The following MYH6 variants were observed in gnomAD, a reference collection of about 807,000 sequenced individuals.
MYH6 encodes the protein myosin heavy chain 6, also known as myosin-6.
MYH6 carries 126 observed loss-of-function variants against 223.2 expected under a neutral mutation model. That is an observed-to-expected ratio of 0.56 (90% confidence interval 0.49 to 0.65). MYH6 has a LOEUF of 0.65. Among genes scored for constraint, MYH6 ranks in the 30% least tolerant of loss-of-function variants. The pLI is 0.00. For missense variants in MYH6, 2,040 were observed against 2,536.4 expected, an observed-to-expected ratio of 0.80 and a Z score of 4.20; for synonymous variants, 978 against 1,010.2, an observed-to-expected ratio of 0.97 and a Z score of 0.61.
Position 23,384,578 on chromosome 14 carries a change from C to T in MYH6, c.5429G>A (p.Gly1810Asp). 1 of 1,613,764 alleles carries T rather than the reference C, an allele frequency of 6.2e-7. No homozygotes were observed. Among genetic ancestry groups the T allele is most frequent in the East Asian group, 2.2e-5 (1 of 44,890 alleles). ...DEAEQIALKGGKKQLQKLEAR... is the reference protein window; with the variant it reads ...DEAEQIALKGDKKQLQKLEAR... ...TTCCAGCTTCTGCAGCTGCTTCTTG[C>T]CTCCCTTGAGGGCGATCTGCTCGGC... is the stretch of plus-strand genomic sequence containing the variant. Residue 1810 changes from glycine to aspartate, a missense_variant, in exon 36 of 39, where the codon GGC becomes GAC. Transcript: ENST00000405093.
intron 16 of MYH6, 53 bp downstream of exon 16, chr14:23,397,490 C>T: frequency 6.3e-7 from 1 of 1,587,370 alleles, no homozygotes; most frequent in South Asian, 1.1e-5. Flanking sequence ...AGCCAGAAGT[C>T]TCTGGGCTGG....
chr14:23,394,110 G>A lies in MYH6; in HGVS notation c.2643C>T (p.Ser881=), dbSNP rs146332977. Reference sequence around the variant, plus strand: ...GCAGGTCATTCTTCTCCTGCAGCAGGGACACCATCTTCTCCTCCAGCTCCT... The same window carrying A: ...GCAGGTCATTCTTCTCCTGCAGCAGAGACACCATCTTCTCCTCCAGCTCCT... ...RRKELEEKMV[S]LLQEKNDLQL... The change falls in exon 21 of 39, where the codon TCC becomes TCT. Residue 881 remains serine (S), a synonymous_variant. Transcript: ENST00000405093. 6 of 1,614,004 alleles carry A rather than the reference G, an allele frequency of 3.7e-6. No individual in the cohort carries two copies. In the African/African-American group the frequency reaches 8.0e-5, roughly 22 times the overall value.
chr14:23,385,092 T>C (rs1315776642), intron 34 of MYH6, 51 bp from the exon 35 acceptor site: 1 of 1,610,752 alleles, frequency 6.2e-7, no homozygotes, highest in Non-Finnish European at 8.5e-7. Flanking sequence ...CTTTGTTACC[T>C]GATTTCATAC....
In MYH6 at chr14:23,383,255, G is replaced by C. The variant is rs758492074; in HGVS notation, c.5631C>G (p.Val1877=). The change falls in exon 37 of 39, where the codon GTC becomes GTG. Residue 1877 remains valine (V), a synonymous_variant. Transcript: ENST00000405093. ...CCTCGGCCTGGCGCTTGTAGGCCTT[G>C]ACCTTCAGTTGCAGCTTGTCCACCA... The part of the protein sequence containing the change: ...QDLVDKLQLK[V]KAYKRQAEEA... 6.6e-7 allele frequency: 1 copy of C among 1,513,686 alleles called. No individual in the cohort carries two copies. The highest frequency in any genetic ancestry group is 1.9e-5 in the Admixed American group (1 of 52,422). The allele number at this position is 1,513,686 out of a possible 1,614,324, so 93.8% of individuals were successfully genotyped here.
rs549746895 is a variant in MYH6, at chr14:23,384,502, G to A, written c.5505C>T (p.Asn1835=). Reference sequence around the variant, plus strand: ...TCCTCATGCCCTTCACCGACTCTGCGTTGCGCTTCTGCTCGGCCTCCAGCT... The same window carrying A: ...TCCTCATGCCCTTCACCGACTCTGCATTGCGCTTCTGCTCGGCCTCCAGCT... ...EGELEAEQKR[N]AESVKGMRKS... is the part of the protein sequence containing the mutation. The change falls in exon 36 of 39, where the codon AAC becomes AAT. Residue 1835 remains asparagine, a synonymous_variant. Coordinates refer to ENST00000405093, the MANE Select transcript of MYH6 (RefSeq NM_002471.4). 8.1e-6 allele frequency: 13 copies of A among 1,613,168 alleles called. No individual in the cohort carries two copies. Among genetic ancestry groups the A allele is most frequent in the African/African-American group, 8.0e-5 (6 of 75,044 alleles).
rs778287981 is a variant in MYH6 at position 23,386,100 on chromosome 14, C to T, written c.4991G>A (p.Arg1664His). The change falls in exon 34 of 39, where the codon CGT becomes CAT. Residue 1664 changes from arginine to histidine, a missense_variant. Arg to His is a conservative substitution (Grantham distance 29, BLOSUM62 0). This residue lies in a region of MYH6 where 1,203 missense variants were observed against 1,400.2 expected (regional missense o/e 0.86). Transcript: ENST00000405093. ...GTTCTCCTTCAGGTCGTCGTTGGCACGGACCGCATCGTCCAGCTGGATCTG... is the reference window on the plus strand; with the variant it reads ...GTTCTCCTTCAGGTCGTCGTTGGCATGGACCGCATCGTCCAGCTGGATCTG... ...DTQIQLDDAVRANDDLKENIA... is the reference protein window; with the variant it reads ...DTQIQLDDAVHANDDLKENIA... The T allele has an allele frequency of 2.9e-5, 47 of 1,614,098 alleles. No individual in the cohort carries two copies. The highest frequency in any genetic ancestry group is 1.2e-4 in the Admixed American group (7 of 60,012).
chr14:23,382,977 C>T (rs759616107), intron 37 of MYH6, among the ~76,000 whole-genome samples: 22 of 152,178 alleles, frequency 1.4e-4, no homozygotes, highest in Non-Finnish European at 2.8e-4. Flanking sequence ...GGCTGCCCCA[C>T]GTCCTGCACT....
At position 23,403,394 on chromosome 14, in the gene MYH6, G is replaced by A. The variant is rs1168415754; in HGVS notation, c.852C>T (p.Tyr284=). ...TGGACAGAATCTGGTAGAAGATGTG[G>A]TAGTTTCTCTCAGCTTTCAGCTGGA... is the stretch of plus-strand genomic sequence containing the variant. ...VIFQLKAERN[Y]HIFYQILSNK... is the part of the protein sequence containing the mutation. The change falls in exon 10 of 39, where the codon TAC becomes TAT. Residue 284 remains tyrosine, a synonymous_variant. Transcript: ENST00000405093. 5 of 1,614,000 alleles carry A rather than the reference G, an allele frequency of 3.1e-6. No individual in the cohort carries two copies. Among genetic ancestry groups the A allele is most frequent in the South Asian group, 1.1e-5 (1 of 91,092 alleles).
rs746593504 is a variant in MYH6 at position 23,403,431 on chromosome 14, G to A, written c.815C>T (p.Ser272Phe). ...AGCTTTCAGCTGGAAGATCACCCGGGACTTCTCCAGCAGGTCTGAGGTGGG... is the reference window on the plus strand; with the variant it reads ...AGCTTTCAGCTGGAAGATCACCCGGAACTTCTCCAGCAGGTCTGAGGTGGG... ...ADIETYLLEK[S>F]RVIFQLKAER... is the part of the protein sequence containing the mutation. The change falls in exon 10 of 39, where the codon TCC (serine) becomes TTC (phenylalanine). Residue 272 changes from serine to phenylalanine, a missense_variant. By Grantham distance (155) the Ser-to-Phe change is radical (BLOSUM62 -2). This residue lies in a region of MYH6 where 649 missense variants were observed against 877.3 expected (regional missense o/e 0.74). Coordinates refer to ENST00000405093, the MANE Select transcript of MYH6 (RefSeq NM_002471.4). The A allele has an allele frequency of 1.9e-6, 3 of 1,614,078 alleles. No homozygotes were observed. Among genetic ancestry groups the A allele is most frequent in the Non-Finnish European group, 2.5e-6 (3 of 1,179,962 alleles).
Position 23,393,483 on chromosome 14 carries a change from A to C in MYH6, c.2964T>G (p.Asp988Glu), listed in dbSNP as rs1173628205. Reference protein sequence around the residue: ...KNLTEEMAGLDEIIAKLTKEK... With the variant: ...KNLTEEMAGLEEIIAKLTKEK... The stretch of plus-strand genomic sequence containing the variant: ...CCTTGGTCAGCTTAGCGATGATTTC[A>C]TCCAGCCCAGCCATCTCCTCTGTTA... Residue 988 changes from aspartate to glutamate, a missense_variant, in exon 23 of 39, where the codon GAT becomes GAG. Transcript: ENST00000405093. 5 of 1,613,968 alleles carry C rather than the reference A, an allele frequency of 3.1e-6. No individual in the cohort carries two copies. The East Asian group carries it at 1.1e-4, about 36-fold the overall frequency.
chr14:23,403,142 GTGTGTGA>G (rs1184492106), intron 10 of MYH6, among the ~76,000 whole-genome samples, 199 bp downstream of exon 10: 2 of 151,996 alleles, frequency 1.3e-5, no homozygotes, highest in African/African-American at 4.8e-5. Flanking sequence ...AAGGAGTGAG[GTGTGTGA>G]CTGCACAGGG....
At chr14:23,386,655 A>C in intron 32 of MYH6, 32 bp from the exon 33 acceptor site, 1 of 1,589,290 alleles carries the variant, frequency 6.3e-7, no homozygotes, top group Non-Finnish European at 8.6e-7. Flanking sequence ...GCGGGCAGAC[A>C]GGGCACAGGG....
At chr14:23,403,855 A>C (rs1319316422) in intron 8 of MYH6, 77 bp from the exon 9 acceptor site, 1 of 1,303,546 alleles carries the variant, frequency 7.7e-7, no homozygotes, top group Non-Finnish European at 1.1e-6. Context: ...TCAGCCCAGA[A>C]GCCCTGGATG....
At position 23,403,758 on chromosome 14, in the gene MYH6, G is replaced by C. The variant is rs750341311; in HGVS notation, c.756C>G (p.His252Gln). Reference protein sequence around the residue: ...SSRFGKFIRIHFGATGKLASA... With the variant: ...SSRFGKFIRIQFGATGKLASA... ...AAGCCAGCTTTCCAGTGGCCCCAAA[G>C]TGGATCCTAATGAATTTCCCCTGGG... The change falls in exon 9 of 39, where the codon CAC (histidine) becomes CAG (glutamine). Residue 252 changes from histidine to glutamine, a missense_variant. Coordinates refer to ENST00000405093, the MANE Select transcript of MYH6 (RefSeq NM_002471.4). 30 of 1,612,668 alleles carry C rather than the reference G, an allele frequency of 1.9e-5. No homozygotes were observed. The highest frequency in any genetic ancestry group is 2.5e-5 in the Non-Finnish European group (30 of 1,179,418).
At chr14:23,387,378 G>T in intron 32 of MYH6, 151 bp downstream of exon 32, 1 of 1,281,578 alleles carries the variant, frequency 7.8e-7, no homozygotes, top group Non-Finnish European at 1.1e-6. Flanking sequence ...TTTGGAGGCA[G>T]TCATGGGTAG....
At chr14:23,398,442 T>C (rs374084334) in intron 15 of MYH6, among the ~76,000 whole-genome samples, 1 of 152,210 alleles carries the variant, frequency 6.6e-6, no homozygotes, top group African/African-American at 2.4e-5. Flanking sequence ...CATGCATCGT[T>C]CCCTGCTGGG....
intron 20 of MYH6, among the ~76,000 whole-genome samples, chr14:23,394,972 T>G (rs1891351313): frequency 6.6e-6 from 1 of 152,222 alleles, no homozygotes; most frequent in South Asian, 2.1e-4. Flanking sequence ...TTCAAGCGAT[T>G]CTCCTGCCTC....
chr14:23,400,157 ATTCTTGGGACTCTAGT>A (rs759469511), intron 14 of MYH6, 83 bp downstream of exon 14: 5 of 1,577,182 alleles, frequency 3.2e-6, no homozygotes, highest in Non-Finnish European at 2.6e-6. Context: ...AAGGCCTGGG[ATTCTTGGGACTCTAGT>A]TTCTTGGGTG....
intron 14 of MYH6, chr14:23,399,866 C>T: frequency 3.1e-6 from 1 of 326,906 alleles, no homozygotes; most frequent in Admixed American, 4.2e-5. Flanking sequence ...CTGAGGAATG[C>T]CCATAAGCAA....
Sources: gnomAD v4.1 joint callset for allele counts (sites outside exome capture counted in the v4.1 genomes callset) on GRCh38, gnomAD v4.1.1 for gene constraint, gnomAD v4.1.1 regional missense constraint, MANE v1.5 for transcripts, NCBI Gene and HGNC (gene_info 2026-07-23, HGNC 2026-07-21) for gene names.